The following TNS1 variants were observed in gnomAD, a reference collection of about 807,000 sequenced individuals.
TNS1 encodes tensin-1.
TNS1 carries 62 observed loss-of-function variants against 168.6 expected under a neutral mutation model. That is an observed-to-expected ratio of 0.37 (90% CI 0.30 to 0.45). The LOEUF is 0.45. Among genes scored for constraint, TNS1 ranks in the 20% least tolerant of loss-of-function variants. The pLI is 1.00. For missense variants in TNS1, 2,240 were observed against 2,339.4 expected, an observed-to-expected ratio of 0.96 and a Z score of 0.88; for synonymous variants, 934 against 933.2, an observed-to-expected ratio of 1.00 and a Z score of -0.02.
At chr2:218,000,009 C>A (rs1392612708) in intron 1 of TNS1, among the ~76,000 whole-genome samples, 1 of 152,236 alleles carries the variant, frequency 6.6e-6, no homozygotes, top group African/African-American at 2.4e-5. Flanking sequence ...CAGTGAGTCC[C>A]TCTGGAAGGA....
chr2:217,849,129 C>A, intron 18 of TNS1, 42 bp from the exon 19 acceptor site: 1 of 1,574,432 alleles, frequency 6.4e-7, no homozygotes, highest in Non-Finnish European at 8.6e-7. Context: ...AGACAACAGA[C>A]ATTAGCGGGA....
At chr2:217,842,247 G>A in intron 19 of TNS1, 1 of 594,974 alleles carries the variant, frequency 1.7e-6, no homozygotes, top group East Asian at 3.0e-5. Context: ...ATATCTCTAA[G>A]TTCCAGCCTC....
chr2:217,904,795 T>A (rs1447145146), intron 6 of TNS1, among the ~76,000 whole-genome samples: 1 of 152,228 alleles, frequency 6.6e-6, no homozygotes, highest in African/African-American at 2.4e-5. Context: ...ACGGGATCCA[T>A]CTGGCCCAGA....
intron 3 of TNS1, among the ~76,000 whole-genome samples, chr2:217,925,259 G>A (rs1449243293): frequency 6.6e-6 from 1 of 151,890 alleles, no homozygotes; most frequent in East Asian, 1.9e-4. Flanking sequence ...GCATTTTTAT[G>A]GTCTGTGGAC....
chr2:217,998,909 T>G (rs1273179312), intron 1 of TNS1, among the ~76,000 whole-genome samples: 1 of 152,136 alleles, frequency 6.6e-6, no homozygotes, highest in African/African-American at 2.4e-5. Flanking sequence ...GGTTCCCTCT[T>G]GGTAACACCC....
intron 24 of TNS1, 104 bp downstream of exon 24, chr2:217,817,586 G>T: frequency 1.0e-6 from 1 of 964,238 alleles, no homozygotes; most frequent in South Asian, 1.7e-5. Flanking sequence ...TTCACCCAGG[G>T]TCGTCTGCCA....
upstream of TNS1, among the ~76,000 whole-genome samples, chr2:218,004,073 T>C (rs1958623759): frequency 2.0e-5 from 3 of 152,224 alleles, no homozygotes; most frequent in Non-Finnish European, 4.4e-5. Context: ...AGCTCTGGCC[T>C]TGGCTGGACC....
Position 217,821,929 on chromosome 2 carries a change from C to A in TNS1, c.3383G>T (p.Ser1128Ile). ...TGTCCGTGCCACAGACTCCACATAG[C>A]TCCGGGGCTCTGGAAGGGGCAAGAG... is the stretch of plus-strand genomic sequence containing the variant. ...ILLHPTGEPR[S>I]YVESVARTAV... Residue 1128 changes from serine to isoleucine, a missense_variant, in exon 23 of 33, where the codon AGC becomes ATC. Physicochemically the swap from Ser to Ile is moderately radical, Grantham distance 142. Transcript: ENST00000682258. 6.3e-7 allele frequency: 1 copy of A among 1,585,152 alleles called. No individual in the cohort carries two copies. The highest frequency in any genetic ancestry group is 2.3e-5 in the East Asian group (1 of 43,388).
Position 217,949,448 on chromosome 2 carries a change from C to T in TNS1, c.187-29212G>A, listed in dbSNP as rs896211713. Among the ~76,000 whole-genome samples the T allele has an allele frequency of 2.0e-5, 3 of 152,328 alleles. No individual in the cohort carries two copies. The East Asian group carries it at 5.8e-4, about 29-fold the overall frequency. ...CTCCTTCCCATAGCATCACACCTACCATCCCAAACCCATTATTTTGAGGCT... is the reference window on the plus strand; with the variant it reads ...CTCCTTCCCATAGCATCACACCTACTATCCCAAACCCATTATTTTGAGGCT... On this transcript the variant is annotated intron_variant, in intron 3 of 32. Transcript: ENST00000682258.
chr2:217,876,724 T>C (rs1025239261), intron 18 of TNS1, among the ~76,000 whole-genome samples: 1 of 152,062 alleles, frequency 6.6e-6, no homozygotes, highest in Non-Finnish European at 1.5e-5. Flanking sequence ...ACTACTCCAA[T>C]ACGTCTGGTG....
rs1477993595 is a variant in TNS1 at position 217,848,232 on chromosome 2, C to T, written c.2285G>A (p.Gly762Glu). The part of the protein sequence containing the change: ...PQLPPAPVRG[G>E]SSREAVQRGL... Reference sequence around the variant, plus strand: ...CCTTTGCACAGCCTCCCGGCTGCTTCCCCCTCGGACCGGAGCTGGGGGCAG... The same window carrying T: ...CCTTTGCACAGCCTCCCGGCTGCTTTCCCCTCGGACCGGAGCTGGGGGCAG... Residue 762 changes from glycine to glutamate, a missense_variant, in exon 19 of 33, where the codon GGA becomes GAA. Coordinates refer to ENST00000682258, the MANE Select transcript of TNS1 (RefSeq NM_001387777.1). 2 of 1,573,942 alleles carry T rather than the reference C, an allele frequency of 1.3e-6. No homozygotes were observed. Among genetic ancestry groups the T allele is most frequent in the South Asian group, 2.4e-5 (2 of 83,676 alleles).
chr2:217,964,618 G>A (rs1192535949), intron 3 of TNS1, among the ~76,000 whole-genome samples: 2 of 152,206 alleles, frequency 1.3e-5, no homozygotes, highest in Non-Finnish European at 2.9e-5. Context: ...TTTGGAAGCT[G>A]CGCGCTGATG....
chr2:218,003,703 G>A (rs1039636697), upstream of TNS1, among the ~76,000 whole-genome samples: 12 of 150,280 alleles, frequency 8.0e-5, no homozygotes, highest in African/African-American at 2.5e-4. Flanking sequence ...AGGGAGCCCC[G>A]CTCCAGGCTC....
At chr2:217,834,126 CCAAT>C (rs1559195049) in intron 21 of TNS1, among the ~76,000 whole-genome samples, 2 of 152,222 alleles carry the variant, frequency 1.3e-5, no homozygotes, top group African/African-American at 4.8e-5. Context: ...CCTGGGGCCA[CCAAT>C]CAGTCACAGC....
At chr2:217,859,772 C>G (rs1948611228) in intron 18 of TNS1, 1 of 1,253,556 alleles carries the variant, frequency 8.0e-7, no homozygotes. Flanking sequence ...TCCCAACCAC[C>G]CAGATCCGAG....
chr2:217,878,089 G>A (rs1950348659), intron 18 of TNS1, among the ~76,000 whole-genome samples: 1 of 152,234 alleles, frequency 6.6e-6, no homozygotes, highest in Non-Finnish European at 1.5e-5. Flanking sequence ...ATTCCTGAGT[G>A]AGCGGCCCAC....
chr2:217,919,484 G>C (rs3791914), intron 4 of TNS1, among the ~76,000 whole-genome samples: 13,323 of 152,320 alleles, frequency 0.087, 1,117 homozygotes, highest in African/African-American at 0.21. Context: ...CCCCAGCAGC[G>C]CCCAGAGCCT....
intron 25 of TNS1, 58 bp downstream of exon 25, chr2:217,814,854 G>C: frequency 1.4e-6 from 2 of 1,462,606 alleles, no homozygotes; most frequent in Non-Finnish European, 1.9e-6. Flanking sequence ...GCCCAGGGAA[G>C]ACACAGCAGG....
At position 217,979,284 on chromosome 2, in the gene TNS1, G is replaced by A. The variant is rs1196780668; in HGVS notation, c.149-482C>T. Among the ~76,000 whole-genome samples the A allele has an allele frequency of 3.3e-5, 5 of 151,728 alleles. 1 individual carries two copies. The highest frequency in any genetic ancestry group is 3.3e-4 in the Admixed American group (5 of 15,234). ...ATTCAGAGTCCAGGAGCGGGCCCACGCATATACACATTACACCCACACCCA... is the reference window on the plus strand; with the variant it reads ...ATTCAGAGTCCAGGAGCGGGCCCACACATATACACATTACACCCACACCCA... On this transcript the variant is annotated intron_variant, in intron 2 of 32. Coordinates refer to ENST00000682258, the MANE Select transcript of TNS1 (RefSeq NM_001387777.1).
Sources: allele counts gnomAD v4.1 joint callset (sites outside exome capture counted in the v4.1 genomes callset), GRCh38; gene constraint gnomAD v4.1.1; transcripts MANE v1.5; gene names NCBI Gene and HGNC (gene_info 2026-07-23, HGNC 2026-07-21).